Variants in NLRP12 observed in about 807,000 individuals in gnomAD.
NLRP12 encodes the protein NLR family pyrin domain containing 12, also known as NACHT, LRR and PYD domains-containing protein 12.
In NLRP12, 108 loss-of-function variants were observed where a neutral mutation model predicts 91.2. The observed-to-expected ratio is 1.18, with a 90% CI of 1.01 to 1.39. The LOEUF (loss-of-function observed/expected upper bound fraction) is 1.39. Ranked by LOEUF, NLRP12 falls within the 40% of genes most tolerant of loss-of-function variation. The pLI is 0.00. For synonymous variants in NLRP12, 613 were observed against 566.7 expected (o/e 1.08, Z -1.16); for missense variants, 1,530 against 1,352.7 (o/e 1.13, Z -2.06).
intron 5 of NLRP12, among the ~76,000 whole-genome samples, chr19:53,804,377 TTTTTGTTTTTTTTGGGTTTTTTTG>T: frequency 6.9e-6 from 1 of 144,800 alleles, no homozygotes; most frequent in Non-Finnish European, 1.5e-5. Flanking sequence ...GTTTGTTTGT[TTTTTGTTTTTTTTGGGTTTTTTTG>T]TTTTTTTTTT....
At chr19:53,805,602 C>CT in intron 4 of NLRP12, 152 bp from the exon 5 acceptor site, 1 of 787,312 alleles carries the variant, frequency 1.3e-6, no homozygotes, top group Middle Eastern at 3.7e-4. Flanking sequence ...ACCACAACCT[C>CT]TGCCTCCTGG....
At chr19:53,800,298 C>T (rs1017737271) in intron 7 of NLRP12, among the ~76,000 whole-genome samples, 3 of 151,524 alleles carry the variant, frequency 2.0e-5, no homozygotes, top group Admixed American at 6.6e-5. Flanking sequence ...GGGCAAGACT[C>T]GTCTCAAAAA....
At chr19:53,823,410 T>TATATATTTAAA (rs1568702559) in intron 1 of NLRP12, among the ~76,000 whole-genome samples, 1 of 109,172 alleles carries the variant, frequency 9.2e-6, no homozygotes, top group Non-Finnish European at 2.0e-5. Flanking sequence ...ATATTTAAAA[T>TATATATTTAAA]ATATGTTTTA....
rs772809342 is a variant in NLRP12, at chr19:53,801,326, A to C, written c.2657T>G (p.Leu886Arg). Residue 886 changes from leucine (L) to arginine (R), a missense_variant, in exon 7 of 10, where the codon CTG becomes CGG. Physicochemically the swap from Leu to Arg is moderately radical, Grantham distance 102. Transcript: ENST00000324134. The stretch of plus-strand genomic sequence containing the variant: ...ATTCAGGCTCAGGTCCAGCTCTCTC[A>C]GGCTCTGGTTCACACTGAGAGTTGA... ...LASTLSVNQS[L>R]RELDLSLNEL... 6 of 1,613,906 alleles carry C rather than the reference A, an allele frequency of 3.7e-6. No individual in the cohort carries two copies. Among genetic ancestry groups the C allele is most frequent in the Non-Finnish European group, 5.1e-6 (6 of 1,179,904 alleles).
At position 53,810,041 on chromosome 19, in the gene NLRP12, C is replaced by T. The variant is rs2092037817; in HGVS notation, c.1618G>A (p.Asp540Asn). 6.2e-7 allele frequency: 1 copy of T among 1,614,150 alleles called. No individual in the cohort carries two copies. The highest frequency in any genetic ancestry group is 1.1e-5 in the South Asian group (1 of 91,088). Residue 540 changes from aspartate (D) to asparagine (N), a missense_variant, in exon 3 of 10, where the codon GAC (aspartate) becomes AAC (asparagine). Coordinates refer to ENST00000324134, the MANE Select transcript of NLRP12 (RefSeq NM_144687.4). ...TACTCGGTCAACAGCCTGGTCACGT[C>T]CTGGTCTGGGCCTGCCCCGCCCTCC... ...EGEGGAGPDQ[D>N]VTRLLTEYAF...
intron 1 of NLRP12, among the ~76,000 whole-genome samples, chr19:53,823,462 AATATATATTT>A (rs1437182733): frequency 3.9e-5 from 4 of 103,060 alleles, no homozygotes; most frequent in Admixed American, 2.4e-4. Flanking sequence ...ATATATTTTA[AATATATATTT>A]AAAATATATA....
In NLRP12 at chr19:53,793,982, G is replaced by T. The variant is rs944647701; in HGVS notation, c.*67C>A. The T allele has an allele frequency of 9.6e-7, 1 of 1,040,596 alleles. No homozygotes were observed. Among genetic ancestry groups the T allele is most frequent in the Non-Finnish European group, 1.5e-6 (1 of 656,478 alleles). 64.5% of individuals were successfully genotyped at this position (1,040,596 alleles called of 1,614,324 possible). ...GAAGGAGGCTGATCATTATGCTGGG[G>T]GGGTGATGAGCACCCTCCCATCTTC... On this transcript the variant is annotated 3_prime_UTR_variant, in exon 10 of 10. Transcript: ENST00000324134.
At chr19:53,799,582 C>T (rs991112785) in intron 7 of NLRP12, among the ~76,000 whole-genome samples, 2 of 151,898 alleles carry the variant, frequency 1.3e-5, no homozygotes, top group Non-Finnish European at 2.9e-5. Flanking sequence ...CTCCCGGGTT[C>T]AAGCAATTCT....
intron 1 of NLRP12, among the ~76,000 whole-genome samples, chr19:53,819,541 GTATA>G (rs1491323565): frequency 4.9e-5 from 1 of 20,362 alleles, no homozygotes; most frequent in East Asian, 5.4e-4. Flanking sequence ...GTATGTATAC[GTATA>G]TATATGTATG....
At chr19:53,821,624 C>T (rs2074085967) in intron 1 of NLRP12, among the ~76,000 whole-genome samples, 3 of 152,054 alleles carry the variant, frequency 2.0e-5, no homozygotes, top group South Asian at 2.1e-4. Flanking sequence ...GCTGAGATTG[C>T]GCCACTGCAC....
chr19:53,818,537 T>C (rs1195775801), intron 1 of NLRP12, among the ~76,000 whole-genome samples: 1 of 151,698 alleles, frequency 6.6e-6, no homozygotes, highest in Non-Finnish European at 1.5e-5. Context: ...TGGTGGCGGG[T>C]GCCTGTAGTC....
intron 1 of NLRP12, among the ~76,000 whole-genome samples, chr19:53,817,107 CG>C (rs1555798322): frequency 6.7e-6 from 1 of 150,264 alleles, no homozygotes; most frequent in Non-Finnish European, 1.5e-5. Flanking sequence ...CTGGGTAACA[CG>C]GTGAAACCCC....
intron 9 of NLRP12, among the ~76,000 whole-genome samples, chr19:53,795,122 G>C (rs908199764): frequency 8.0e-5 from 12 of 150,078 alleles, no homozygotes; most frequent in Non-Finnish European, 1.5e-4. Context: ...GTGTGTGTGT[G>C]TGTGTGTGTG....
At chr19:53,796,399 G>A (rs2091760973) in intron 8 of NLRP12, among the ~76,000 whole-genome samples, 1 of 141,892 alleles carries the variant, frequency 7.0e-6, no homozygotes, top group African/African-American at 2.8e-5. Context: ...CTACAGGCGA[G>A]AGCCACCACA....
In NLRP12 at chr19:53,807,573, C is replaced by A; in HGVS notation, c.2165G>T (p.Arg722Leu). Residue 722 changes from arginine (R) to leucine (L), a missense_variant, in exon 4 of 10, where the codon CGA becomes CTA. Physicochemically the swap from Arg to Leu is moderately radical, Grantham distance 102 (BLOSUM62 -2). Coordinates refer to ENST00000324134, the MANE Select transcript of NLRP12 (RefSeq NM_144687.4). ...NPNLIELSLYRNALGSRGVKL... is the reference protein window; with the variant it reads ...NPNLIELSLYLNALGSRGVKL... ...CACCCCCCGGCTGCCCAGGGCATTT[C>A]GGTACAGAGACAGCTCTATCAGGTT... 6.2e-7 allele frequency: 1 copy of A among 1,614,090 alleles called. No homozygotes were observed. The highest frequency in any genetic ancestry group is 8.5e-7 in the Non-Finnish European group (1 of 1,180,012).
At chr19:53,809,477 G>C (rs1243718085) in intron 3 of NLRP12, 110 bp downstream of exon 3, 1 of 1,144,300 alleles carries the variant, frequency 8.7e-7, no homozygotes, top group Non-Finnish European at 1.2e-6. Flanking sequence ...GTTGCAGTGA[G>C]CTGAGGTCAC....
rs140581299 is a variant in NLRP12 at position 53,823,971 on chromosome 19, C to T, written c.204G>A (p.Glu68=). ...QLLITHFGPE[E]AWRLALSTFE... ...AGGTGCTGAGAGCCAACCTCCAGGC[C>T]TCCTCTGGCCCGAAGTGGGTGATGA... is the stretch of plus-strand genomic sequence containing the variant. Residue 68 remains glutamate (E), a synonymous_variant, in exon 1 of 10, where the codon GAG becomes GAA. Transcript: ENST00000324134. 4.3e-6 allele frequency: 7 copies of T among 1,614,072 alleles called. No homozygotes were observed. The African/African-American group carries it at 9.3e-5, about 22-fold the overall frequency.
chr19:53,809,535 A>AC, intron 3 of NLRP12, 52 bp downstream of exon 3: 1 of 1,448,868 alleles, frequency 6.9e-7, no homozygotes, highest in Non-Finnish European at 9.3e-7. Flanking sequence ...AAAAAAAAAA[A>AC]AAAAAACACA....
intron 1 of NLRP12, among the ~76,000 whole-genome samples, chr19:53,823,383 A>G (rs1182096008): frequency 4.4e-5 from 6 of 134,978 alleles, no homozygotes; most frequent in African/African-American, 1.6e-4. Flanking sequence ...ATATAATTAT[A>G]TACATATTTT....
Sources: allele counts gnomAD v4.1 joint callset (sites outside exome capture counted in the v4.1 genomes callset), GRCh38; gene constraint gnomAD v4.1.1; transcripts MANE v1.5; gene names NCBI Gene and HGNC (gene_info 2026-07-23, HGNC 2026-07-21).